SEMA6D: variants seen among roughly 807,000 people sequenced by gnomAD.
The protein encoded by SEMA6D is semaphorin-6D.
SEMA6D carries 35 observed loss-of-function variants against 106.6 expected under a neutral mutation model. The ratio of observed to expected loss-of-function variants is 0.33; its 90% confidence interval spans 0.25 to 0.44. SEMA6D has a LOEUF of 0.44. Among genes scored for constraint, SEMA6D ranks in the 20% least tolerant of loss-of-function variants. The pLI, the probability that SEMA6D is intolerant of heterozygous loss-of-function variation, is 1.00. For missense variants in SEMA6D, 1,185 were observed against 1,345.9 expected, an observed-to-expected ratio of 0.88 and a Z score of 1.87; for synonymous variants, 499 against 487.7, an observed-to-expected ratio of 1.02 and a Z score of -0.31.
chr15:47,569,755 A>G (rs1003534340), intron 3 of SEMA6D, among the ~76,000 whole-genome samples: 3 of 152,132 alleles, frequency 2.0e-5, no homozygotes, highest in East Asian at 1.9e-4. Flanking sequence ...TTATCTTGCT[A>G]TGGATCATTT....
intron 1 of SEMA6D, among the ~76,000 whole-genome samples, chr15:47,237,525 T>C (rs16959090): frequency 0.083 from 12,589 of 151,986 alleles, 951 homozygotes; most frequent in African/African-American, 0.2. Flanking sequence ...GGGATATGAG[T>C]GTTATTTTCA....
At chr15:47,630,905 AT>A (rs1199568071) in intron 4 of SEMA6D, among the ~76,000 whole-genome samples, 1 of 151,776 alleles carries the variant, frequency 6.6e-6, no homozygotes, top group African/African-American at 2.4e-5. Flanking sequence ...ACATTGATTT[AT>A]TTCTGAATGT....
chr15:47,557,443 A>T (rs2045947353), intron 3 of SEMA6D, among the ~76,000 whole-genome samples: 1 of 152,158 alleles, frequency 6.6e-6, no homozygotes. Context: ...ATGCATAGAT[A>T]AGCTTTTTTT....
chr15:47,720,619 A>G (rs1212810074), intron 1 of SEMA6D, among the ~76,000 whole-genome samples: 2 of 152,112 alleles, frequency 1.3e-5, no homozygotes, highest in Admixed American at 6.5e-5. Context: ...CCCTACATCA[A>G]TGTCGTGGTT....
chr15:47,417,816 C>T (rs959848290), intron 2 of SEMA6D, among the ~76,000 whole-genome samples: 1 of 151,828 alleles, frequency 6.6e-6, no homozygotes, highest in African/African-American at 2.4e-5. Context: ...CCTAATCACT[C>T]ATGCATCCAT....
At chr15:47,517,504 A>G (rs1415721755) in intron 3 of SEMA6D, among the ~76,000 whole-genome samples, 1 of 152,110 alleles carries the variant, frequency 6.6e-6, no homozygotes, top group Non-Finnish European at 1.5e-5. Context: ...TTCCTTTTTC[A>G]TTTTTAGATA....
chr15:47,234,280 C>A (rs1390594079), intron 1 of SEMA6D, among the ~76,000 whole-genome samples: 2 of 151,872 alleles, frequency 1.3e-5, no homozygotes, highest in Non-Finnish European at 2.9e-5. Flanking sequence ...AAGTCTAAGG[C>A]AGAGACTAAT....
intron 1 of SEMA6D, among the ~76,000 whole-genome samples, chr15:47,348,675 A>T (rs1482742438): frequency 7.3e-5 from 6 of 82,108 alleles, no homozygotes; most frequent in African/African-American, 3.9e-4. Flanking sequence ...AGAGTACATC[A>T]CACACACACA....
At chr15:47,266,341 T>A (rs1169966543) in intron 1 of SEMA6D, among the ~76,000 whole-genome samples, 1 of 152,074 alleles carries the variant, frequency 6.6e-6, no homozygotes, top group African/African-American at 2.4e-5. Flanking sequence ...TTAGGACTGC[T>A]CTTCCTCTCG....
At chr15:47,505,043 G>A (rs2043993991) in intron 3 of SEMA6D, among the ~76,000 whole-genome samples, 1 of 152,108 alleles carries the variant, frequency 6.6e-6, no homozygotes, top group Admixed American at 6.5e-5. Flanking sequence ...GAATTACAGT[G>A]GCTCAGTGTG....
At chr15:47,339,576 A>G (rs1432827286) in intron 1 of SEMA6D, among the ~76,000 whole-genome samples, 1 of 152,200 alleles carries the variant, frequency 6.6e-6, no homozygotes, top group African/African-American at 2.4e-5. Flanking sequence ...AAATGCTATA[A>G]AGAAAAATTG....
chr15:47,394,177 C>T (rs1313245429), intron 1 of SEMA6D, among the ~76,000 whole-genome samples: 1 of 152,122 alleles, frequency 6.6e-6, no homozygotes, highest in Non-Finnish European at 1.5e-5. Flanking sequence ...CTTGGTCTAT[C>T]ATAGTCCACA....
At chr15:47,190,866 T>TG (rs1018432213) in intron 1 of SEMA6D, among the ~76,000 whole-genome samples, 2 of 152,190 alleles carry the variant, frequency 1.3e-5, no homozygotes, top group African/African-American at 2.4e-5. Context: ...TCTCCATAGC[T>TG]GGGTTTAAAC....
chr15:47,359,703 A>G (rs1199052329), intron 1 of SEMA6D: 1 of 152,010 alleles, frequency 6.6e-6, no homozygotes, highest in Non-Finnish European at 1.5e-5. Flanking sequence ...AAAGCAAAAG[A>G]AAAAAAATGC....
At chr15:47,278,091 A>G (rs1053894893) in intron 1 of SEMA6D, among the ~76,000 whole-genome samples, 4 of 151,270 alleles carry the variant, frequency 2.6e-5, no homozygotes, top group African/African-American at 9.7e-5. Flanking sequence ...ATGTGTCTTT[A>G]TAGCAGCATG....
chr15:47,208,048 C>CTA (rs1324767279), intron 1 of SEMA6D, among the ~76,000 whole-genome samples: 2 of 139,116 alleles, frequency 1.4e-5, no homozygotes, highest in Non-Finnish European at 3.1e-5. Context: ...CACACACACA[C>CTA]ACTACTGTAA....
intron 1 of SEMA6D, among the ~76,000 whole-genome samples, chr15:47,373,674 T>G (rs112061966): frequency 2.0e-3 from 303 of 152,338 alleles, no homozygotes; most frequent in African/African-American, 6.8e-3. Flanking sequence ...TTTATCAACC[T>G]TGTAACTGAA....
intron 3 of SEMA6D, among the ~76,000 whole-genome samples, chr15:47,587,739 G>A (rs1273985101): frequency 1.3e-5 from 2 of 151,918 alleles, no homozygotes; most frequent in Non-Finnish European, 2.9e-5. Context: ...CAGGTGGTGG[G>A]GCCAGAGATT....
chr15:47,503,892 T>C (rs1656607), intron 3 of SEMA6D, among the ~76,000 whole-genome samples: 69,350 of 152,016 alleles, frequency 0.46, 17,127 homozygotes, highest in East Asian at 0.82. Context: ...GACTCTAATC[T>C]TTGTGTTTAC....
Sources: gnomAD v4.1 joint callset for allele counts (sites outside exome capture counted in the v4.1 genomes callset) on GRCh38, gnomAD v4.1.1 for gene constraint, MANE v1.5 for transcripts, NCBI Gene and HGNC (gene_info 2026-07-23, HGNC 2026-07-21) for gene names.